SLC22A16: variants seen among roughly 807,000 people sequenced by gnomAD.
SLC22A16 encodes solute carrier family 22 member 16, also known as WUGSC:RG331P03.1.
In SLC22A16, 53 loss-of-function variants were observed where a neutral mutation model predicts 52.9. The observed-to-expected ratio is 1.00, with a 90% confidence interval of 0.80 to 1.26. SLC22A16 has a LOEUF of 1.26. Ranked by LOEUF, SLC22A16 falls within the 50% of genes most tolerant of loss-of-function variation. The probability of loss-of-function intolerance (pLI) is 0.00; values close to 1 mark genes in which losing one functional copy is unlikely to be tolerated. For synonymous variants in SLC22A16, 291 were observed against 268.8 expected, an observed-to-expected ratio of 1.08 and a Z score of -0.81; for missense variants, 726 against 704.0, an observed-to-expected ratio of 1.03 and a Z score of -0.35.
At chr6:110,472,197 G>A (rs1355436054) in intron 1 of SLC22A16, among the ~76,000 whole-genome samples, 1 of 152,108 alleles carries the variant, frequency 6.6e-6, no homozygotes, top group Non-Finnish European at 1.5e-5. Flanking sequence ...ACATGGGGTG[G>A]GCTAGGAGGG....
intron 6 of SLC22A16, among the ~76,000 whole-genome samples, chr6:110,433,030 G>C (rs1390926201): frequency 1.3e-5 from 2 of 152,156 alleles, no homozygotes; most frequent in African/African-American, 4.8e-5. Context: ...CTAATCTTGT[G>C]TGAATTCCAG....
chr6:110,439,503 G>C (rs1392041561), intron 4 of SLC22A16, among the ~76,000 whole-genome samples: 1 of 150,992 alleles, frequency 6.6e-6, no homozygotes, highest in East Asian at 1.9e-4. Context: ...TCAAAAAAAA[G>C]AGTAAATCTT....
chr6:110,451,158 T>C (rs1775365478), intron 2 of SLC22A16, among the ~76,000 whole-genome samples: 1 of 152,248 alleles, frequency 6.6e-6, no homozygotes. Context: ...TTCATTTTCA[T>C]GTCCACATAT....
rs751117442 is a variant in SLC22A16, at chr6:110,442,770, T to A, written c.657A>T (p.Ala219=). The change falls in exon 4 of 8, where the codon GCA becomes GCT. Residue 219 remains alanine (A), a synonymous_variant. Coordinates refer to ENST00000368919, the MANE Select transcript of SLC22A16 (RefSeq NM_033125.4). ...CAAACCCCACCACAAGATAGCCACTTGCAACCTGAAAAACAAATAATAGGG... is the reference window on the plus strand; with the variant it reads ...CAAACCCCACCACAAGATAGCCACTAGCAACCTGAAAAACAAATAATAGGG... ...MAARFFLAMV[A]SGYLVVGFVY... is the part of the protein sequence containing the mutation. 1.2e-6 allele frequency: 2 copies of A among 1,611,276 alleles called. No homozygotes were observed. Among genetic ancestry groups the A allele is most frequent in the Non-Finnish European group, 1.7e-6 (2 of 1,178,890 alleles).
intron 2 of SLC22A16, chr6:110,453,569 T>C (rs976048196): frequency 2.2e-6 from 1 of 453,812 alleles, no homozygotes; most frequent in African/African-American, 2.0e-5. Flanking sequence ...TTGTCTCAGG[T>C]CCTCTAATCC....
At chr6:110,464,019 A>G (rs936191312) in intron 1 of SLC22A16, among the ~76,000 whole-genome samples, 2 of 152,164 alleles carry the variant, frequency 1.3e-5, no homozygotes, top group African/African-American at 4.8e-5. Flanking sequence ...AGTACATGGA[A>G]ACTAAACAAC....
rs1035863501 is a variant in SLC22A16 at position 110,442,107 on chromosome 6, T to C, written c.1183+137A>G. 1.2e-5 allele frequency: 9 copies of C among 749,750 alleles called. No homozygotes were observed. In the African/African-American group the frequency reaches 1.6e-4, roughly 13 times the overall value. The allele number at this position is 749,750 out of a possible 1,614,324, so 46.4% of individuals were successfully genotyped here. A position where few individuals can be genotyped will look rare whatever the true frequency, so the allele number is the denominator to read the frequency against. On this transcript the variant is annotated intron_variant, in intron 4 of 7. Coordinates refer to ENST00000368919, the MANE Select transcript of SLC22A16 (RefSeq NM_033125.4). The stretch of plus-strand genomic sequence containing the variant: ...ACTAAGAGATATCATAATAATATGG[T>C]TGGCAGTATTGTTCCTGGTTTTAAA...
chr6:110,457,259 A>T (rs1349841366), intron 1 of SLC22A16, among the ~76,000 whole-genome samples: 2 of 152,240 alleles, frequency 1.3e-5, no homozygotes, highest in Non-Finnish European at 2.9e-5. Flanking sequence ...CATTGCCCAG[A>T]TCTTAGTTTC....
intron 1 of SLC22A16, among the ~76,000 whole-genome samples, chr6:110,475,446 T>C (rs1776428516): frequency 6.6e-6 from 1 of 152,090 alleles, no homozygotes; most frequent in Non-Finnish European, 1.5e-5. Context: ...CAAGGCAGCG[T>C]TCAATGATGC....
At chr6:110,476,371 T>G in intron 1 of SLC22A16, 151 bp downstream of exon 1, 19 of 1,361,172 alleles carry the variant, frequency 1.4e-5, no homozygotes, top group Admixed American at 3.4e-5. Context: ...GGGGCCGGCG[T>G]CTGGACGCCC....
chr6:110,454,576 AT>A (rs1775511210), intron 2 of SLC22A16, among the ~76,000 whole-genome samples: 1 of 106,258 alleles, frequency 9.4e-6, no homozygotes, highest in African/African-American at 3.8e-5. Context: ...TATATATAAT[AT>A]TTATATATAA....
chr6:110,439,552 C>T (rs10457211), intron 4 of SLC22A16, among the ~76,000 whole-genome samples: 5,330 of 152,128 alleles, frequency 0.035, 107 homozygotes, highest in African/African-American at 0.039. Context: ...TCCTGCTGAG[C>T]TATAATGAAC....
chr6:110,431,109 T>C (rs1007569877), intron 7 of SLC22A16, 62 bp downstream of exon 7: 2 of 1,341,246 alleles, frequency 1.5e-6, no homozygotes, highest in African/African-American at 1.4e-5. Context: ...GAGAAGTTGC[T>C]AATAGGCAAT....
At chr6:110,474,582 G>A (rs1407376619) in intron 1 of SLC22A16, among the ~76,000 whole-genome samples, 1 of 152,218 alleles carries the variant, frequency 6.6e-6, no homozygotes, top group African/African-American at 2.4e-5. Flanking sequence ...ATGACTTATT[G>A]AGAACTTACT....
chr6:110,469,331 C>T (rs1313472012), intron 1 of SLC22A16, among the ~76,000 whole-genome samples: 2 of 152,122 alleles, frequency 1.3e-5, no homozygotes, highest in African/African-American at 4.8e-5. Flanking sequence ...TCAAGACCAG[C>T]CTTGAACTCC....
rs1348768728 is a variant in SLC22A16, at chr6:110,474,457, CA to C, written c.53+2064del. 2.6e-5 allele frequency among the ~76,000 whole-genome samples: 4 copies of C among 152,336 alleles called. No individual in the cohort carries two copies. In the South Asian group the frequency reaches 6.2e-4, roughly 24 times the overall value. ...AATGTGGTACTGTGTTGCAGTCACA[CA>C]GTCTTCATCTTCTGCTATATAAGCA... is the stretch of plus-strand genomic sequence containing the variant. On this transcript the variant is annotated intron_variant, in intron 1 of 7. Coordinates refer to ENST00000368919, the MANE Select transcript of SLC22A16 (RefSeq NM_033125.4).
intron 1 of SLC22A16, chr6:110,476,201 TCGAG>T: frequency 2.7e-6 from 1 of 371,178 alleles, no homozygotes; most frequent in Non-Finnish European, 4.6e-6. Context: ...ATCTGGCCCC[TCGAG>T]CCAGATCTCC....
In SLC22A16 at chr6:110,456,559, G is replaced by T. The variant is rs1249921312; in HGVS notation, c.512C>A (p.Thr171Asn). The change falls in exon 2 of 8, where the codon ACT (threonine) becomes AAT (asparagine). Residue 171 changes from threonine to asparagine, a missense_variant. Physicochemically the swap from Thr to Asn is moderately conservative, Grantham distance 65. Coordinates refer to ENST00000368919, the MANE Select transcript of SLC22A16 (RefSeq NM_033125.4). ...TTACCTGTCAGAAAAGTAGCCAAAA[G>T]TCACCGATCCCAGTAGGACTCCAAA... ...FMFGVLLGSVTFGYFSDRLGR... is the reference protein window; with the variant it reads ...FMFGVLLGSVNFGYFSDRLGR... 1.9e-6 allele frequency: 3 copies of T among 1,613,954 alleles called. No individual in the cohort carries two copies. Among genetic ancestry groups the T allele is most frequent in the Admixed American group, 1.7e-5 (1 of 60,020 alleles).
intron 1 of SLC22A16, among the ~76,000 whole-genome samples, chr6:110,468,667 G>GAGAAGAAGA (rs147010194): frequency 6.7e-6 from 1 of 148,846 alleles, no homozygotes; most frequent in African/African-American, 2.5e-5. Context: ...AAACAAAATG[G>GAGAAGAAGA]AGAAGAAGAA....
Sources: allele counts gnomAD v4.1 joint callset (sites outside exome capture counted in the v4.1 genomes callset), GRCh38; gene constraint gnomAD v4.1.1; transcripts MANE v1.5; gene names NCBI Gene and HGNC (gene_info 2026-07-23, HGNC 2026-07-21).